Variants in RELN observed in about 807,000 individuals in gnomAD.
The protein encoded by RELN is reelin.
A neutral mutation model predicts 427.6 loss-of-function variants in RELN; 108 were observed. That is an observed-to-expected ratio of 0.25 (90% CI 0.22 to 0.30). The LOEUF (loss-of-function observed/expected upper bound fraction) is 0.30, where lower values mean the gene tolerates loss of function less well. Among genes scored for constraint, RELN ranks in the 10% least tolerant of loss-of-function variants. RELN has a pLI of 1.00. For missense variants in RELN, 3,715 were observed against 4,302.8 expected, an observed-to-expected ratio of 0.86 and a Z score of 3.82; for synonymous variants, 1,524 against 1,513.4, an observed-to-expected ratio of 1.01 and a Z score of -0.16.
intron 19 of RELN, among the ~76,000 whole-genome samples, chr7:103,631,926 C>T (rs1832477039): frequency 1.3e-5 from 2 of 151,952 alleles, no homozygotes; most frequent in Admixed American, 6.5e-5. Context: ...ATTATAAAAA[C>T]AGTTAATATT....
intron 2 of RELN, among the ~76,000 whole-genome samples, chr7:103,883,449 A>G (rs1340561847): frequency 6.6e-6 from 1 of 152,242 alleles, no homozygotes; most frequent in Non-Finnish European, 1.5e-5. Flanking sequence ...CAGGCAAGAG[A>G]AAGAAATAAG....
At chr7:103,778,793 T>A (rs1304468587) in intron 3 of RELN, among the ~76,000 whole-genome samples, 1 of 152,232 alleles carries the variant, frequency 6.6e-6, no homozygotes, top group Admixed American at 6.5e-5. Flanking sequence ...TTTAAGATCA[T>A]CTGGTCAAAA....
Position 103,535,379 on chromosome 7 carries a change from A to G in RELN, c.7286T>C (p.Ile2429Thr). The G allele has an allele frequency of 6.2e-7, 1 of 1,613,992 alleles. No homozygotes were observed. Among genetic ancestry groups the G allele is most frequent in the African/African-American group, 1.3e-5 (1 of 74,932 alleles). ...VECSRYHLQR[I>T]LVSDTFNKWT... Reference sequence around the variant, plus strand: ...CTTGTTGAAAGTGTCTGACACCAGGATCCGTTGCAGATGATAGCGACTGCA... The same window carrying G: ...CTTGTTGAAAGTGTCTGACACCAGGGTCCGTTGCAGATGATAGCGACTGCA... Residue 2429 changes from isoleucine (I) to threonine (T), a missense_variant, in exon 46 of 65, where the codon ATC becomes ACC. Around this residue, in one of 4 missense-constraint regions of RELN, gnomAD observed 1,310 missense variants for 1,643.0 expected, o/e 0.80. Transcript: ENST00000428762.
chr7:103,726,861 G>C lies in RELN; in HGVS notation c.753+1250C>G, dbSNP rs550558483. On this transcript the variant is annotated intron_variant, in intron 7 of 64. Coordinates refer to ENST00000428762, the MANE Select transcript of RELN (RefSeq NM_005045.4). ...TTTCAAGAAAATCTTCACCACCAGA[G>C]TCATACTTGTCTGCAGGAATATTAT... is the stretch of plus-strand genomic sequence containing the variant. Among the ~76,000 whole-genome samples, 18 of 152,180 alleles carry C rather than the reference G, an allele frequency of 1.2e-4. No individual in the cohort carries two copies. In the South Asian group the frequency reaches 3.7e-3, roughly 32 times the overall value.
intron 51 of RELN, among the ~76,000 whole-genome samples, chr7:103,509,281 C>T (rs1829318198): frequency 6.6e-6 from 1 of 152,170 alleles, no homozygotes; most frequent in Non-Finnish European, 1.5e-5. Context: ...ACAAAAACAG[C>T]ATGGTACTGG....
intron 1 of RELN, among the ~76,000 whole-genome samples, chr7:103,983,210 C>A (rs907926177): frequency 6.6e-6 from 1 of 152,114 alleles, no homozygotes; most frequent in Admixed American, 6.6e-5. Flanking sequence ...ACACACACAT[C>A]CTCAAATACA....
chr7:103,515,370 T>C lies in RELN; in HGVS notation c.7934A>G (p.His2645Arg). The C allele has an allele frequency of 6.2e-7, 1 of 1,614,166 alleles. No individual in the cohort carries two copies. Among genetic ancestry groups the C allele is most frequent in the Non-Finnish European group, 8.5e-7 (1 of 1,180,026 alleles). The change falls in exon 50 of 65, where the codon CAT (histidine) becomes CGT (arginine). Residue 2645 changes from histidine (H) to arginine (R), a missense_variant. By Grantham distance (29) the His-to-Arg change is conservative. Coordinates refer to ENST00000428762, the MANE Select transcript of RELN (RefSeq NM_005045.4). ...ATRFRWWQPR[H>R]DGLDQNDWAI... ...CCAGTCGTTCTGATCCAGGCCGTCA[T>C]GTCTTGGCTGCCACCAGCGGAAGCG...
intron 41 of RELN, among the ~76,000 whole-genome samples, chr7:103,550,348 T>C (rs534266228): frequency 6.6e-6 from 1 of 152,342 alleles, no homozygotes; most frequent in African/African-American, 2.4e-5. Flanking sequence ...ATTAGTACTT[T>C]CTTCTTTTTT....
At chr7:103,635,723 T>G (rs1024326527) in intron 18 of RELN, 137 bp from the exon 19 acceptor site, 2 of 695,802 alleles carry the variant, frequency 2.9e-6, no homozygotes, top group South Asian at 1.7e-5. Flanking sequence ...CATTGTTAGA[T>G]ATATGAATAT....
intron 1 of RELN, among the ~76,000 whole-genome samples, chr7:103,924,109 C>G (rs1185400016): frequency 6.6e-6 from 1 of 152,068 alleles, no homozygotes; most frequent in Non-Finnish European, 1.5e-5. Flanking sequence ...GCCTCTATCT[C>G]GTGCTATGCC....
intron 1 of RELN, among the ~76,000 whole-genome samples, chr7:103,919,279 A>T (rs1476927): frequency 0.13 from 19,154 of 151,956 alleles, 1,270 homozygotes; most frequent in South Asian, 0.18. Flanking sequence ...ACCACTGGAC[A>T]CAGTGTGAAT....
intron 2 of RELN, among the ~76,000 whole-genome samples, chr7:103,875,813 A>C (rs7784621): frequency 0.38 from 57,643 of 151,992 alleles, 11,318 homozygotes; most frequent in Non-Finnish European, 0.43. Context: ...TGCTAAATGA[A>C]ATTTCCTTGG....
intron 1 of RELN, among the ~76,000 whole-genome samples, chr7:103,944,018 A>C (rs1195892254): frequency 1.3e-5 from 2 of 152,088 alleles, no homozygotes; most frequent in Admixed American, 1.3e-4. Flanking sequence ...AGACCTCTAG[A>C]GATTTGATGG....
chr7:103,914,778 T>A (rs372410163), intron 2 of RELN, among the ~76,000 whole-genome samples: 85 of 152,126 alleles, frequency 5.6e-4, no homozygotes, highest in African/African-American at 2.0e-3. Flanking sequence ...TGAACTCTTA[T>A]CCCCCCACAT....
At chr7:103,773,100 TTTTCTTTCTTTCTTTCTTTC>T (rs550940718) in intron 4 of RELN, among the ~76,000 whole-genome samples, 4,508 of 128,664 alleles carry the variant, frequency 0.035, 112 homozygotes, top group Middle Eastern at 0.045. Context: ...GGTTCTCCTC[TTTTCTTTCTTTCTTTCTTTC>T]TTTCTTTCTT....
intron 6 of RELN, among the ~76,000 whole-genome samples, chr7:103,747,678 C>G (rs1037165860): frequency 5.7e-5 from 8 of 140,270 alleles, no homozygotes; most frequent in South Asian, 2.3e-4. Context: ...CTTAAAGAGG[C>G]TAAATGAAGG....
intron 1 of RELN, among the ~76,000 whole-genome samples, chr7:103,942,001 A>ATAGTT (rs1413130001): frequency 9.2e-5 from 14 of 151,522 alleles, no homozygotes; most frequent in South Asian, 2.1e-4. Flanking sequence ...AAGTATTAGC[A>ATAGTT]TAGTTTTAAG....
At chr7:103,766,814 G>A (rs1263164384) in intron 4 of RELN, among the ~76,000 whole-genome samples, 1 of 152,234 alleles carries the variant, frequency 6.6e-6, no homozygotes, top group East Asian at 1.9e-4. Flanking sequence ...AAACTGCTGA[G>A]CCTGGCAGAA....
At position 103,507,962 on chromosome 7, in the gene RELN, C is replaced by T. The variant is rs541399362; in HGVS notation, c.8274+2889G>A. Reference sequence around the variant, plus strand: ...AAATGGATAAATTCCTCGACACATACACCCTCCCAAGACTAAGCCAGGAAG... The same window carrying T: ...AAATGGATAAATTCCTCGACACATATACCCTCCCAAGACTAAGCCAGGAAG... On this transcript the variant is annotated intron_variant, in intron 51 of 64. Transcript: ENST00000428762. Among the ~76,000 whole-genome samples the T allele has an allele frequency of 2.0e-5, 3 of 152,278 alleles. No homozygotes were observed. In the East Asian group the frequency reaches 5.8e-4, roughly 29 times the overall value.
Sources: allele counts gnomAD v4.1 joint callset (sites outside exome capture counted in the v4.1 genomes callset), GRCh38; gene constraint gnomAD v4.1.1; regional missense constraint gnomAD v4.1.1; transcripts MANE v1.5; gene names NCBI Gene and HGNC (gene_info 2026-07-23, HGNC 2026-07-21).